PARK7: variants seen among roughly 807,000 people sequenced by gnomAD.
The protein encoded by PARK7 is Parkinsonism associated deglycase, also known as Parkinson disease protein 7.
A neutral mutation model predicts 20.5 loss-of-function variants in PARK7; 14 were observed. That is an observed-to-expected ratio of 0.68 (90% CI 0.45 to 1.07). The LOEUF is 1.07. PARK7 is among the 50% of genes least tolerant of loss of function. PARK7 has a pLI of 0.00. For missense variants in PARK7, 234 were observed against 238.1 expected (o/e 0.98, Z 0.11); for synonymous variants, 98 against 84.3 (o/e 1.16, Z -0.89).
In PARK7 at chr1:7,985,288, T is replaced by C; in HGVS notation, c.*234T>C. 1.8e-6 allele frequency: 1 copy of C among 541,004 alleles called. No homozygotes were observed. The highest frequency in any genetic ancestry group is 3.3e-6 in the Non-Finnish European group (1 of 303,812). The allele number at this position is 541,004 out of a possible 1,614,324, so 33.5% of individuals were successfully genotyped here. A position where few individuals can be genotyped will look rare whatever the true frequency, so the allele number is the denominator to read the frequency against. On this transcript the variant is annotated 3_prime_UTR_variant, in exon 7 of 7. Transcript: ENST00000338639. ...ACAGGGCATTTAGCAAACTACTGAT[T>C]GTTTCTTGTTTTGTCTCTCATTTCT...
At position 7,970,955 on chromosome 1, in the gene PARK7, T is replaced by A. The variant is rs1640452831; in HGVS notation, c.314T>A (p.Ile105Asn). Reference protein sequence around the residue: ...QENRKGLIAAICAGPTALLAH... With the variant: ...QENRKGLIAANCAGPTALLAH... ...AACCGGAAGGGCCTGATAGCCGCCA[T>A]CTGTGCAGGTGACGTGCAGGGGCAG... The change falls in exon 5 of 7, where the codon ATC (isoleucine) becomes AAC (asparagine). Residue 105 changes from isoleucine to asparagine, a missense_variant. Coordinates refer to ENST00000338639, the MANE Select transcript of PARK7 (RefSeq NM_007262.5). 16 of 1,614,194 alleles carry A rather than the reference T, an allele frequency of 9.9e-6. No homozygotes were observed. Among genetic ancestry groups the A allele is most frequent in the Non-Finnish European group, 1.4e-5 (16 of 1,180,036 alleles).
chr1:7,962,068 G>C (rs796646352), intron 1 of PARK7: 7 of 152,504 alleles, frequency 4.6e-5, no homozygotes, highest in African/African-American at 1.7e-4. Context: ...ATTAAACTCT[G>C]TTTTGCGTGG....
intron 3 of PARK7, among the ~76,000 whole-genome samples, chr1:7,968,852 A>G (rs1203962492): frequency 6.6e-6 from 1 of 152,196 alleles, no homozygotes; most frequent in African/African-American, 2.4e-5. Flanking sequence ...GTTCATGTAC[A>G]TTCTTGTTGA....
chr1:7,969,359 G>T lies in PARK7; in HGVS notation c.207G>T (p.Val69=). ...EDAKKEGPYD[V]VVLPGGNLGA... ...AACTGTTACAGGGACCATATGATGT[G>T]GTGGTTCTACCAGGAGGTAATCTGG... The change falls in exon 4 of 7, where the codon GTG becomes GTT. Residue 69 remains valine (V), a synonymous_variant. Coordinates refer to ENST00000338639, the MANE Select transcript of PARK7 (RefSeq NM_007262.5). The T allele has an allele frequency of 6.2e-7, 1 of 1,611,490 alleles. No homozygotes were observed. The highest frequency in any genetic ancestry group is 2.2e-5 in the East Asian group (1 of 44,814).
rs1037753493 is a variant in PARK7, at chr1:7,984,054, C to G, written c.410-840C>G. On this transcript the variant is annotated intron_variant, in intron 6 of 6. Coordinates refer to ENST00000338639, the MANE Select transcript of PARK7 (RefSeq NM_007262.5). The surrounding 1 kb of genome is among the most constrained non-coding windows in gnomAD (Gnocchi z 4.3). ...GGAGGTGGGGGTGGTCACAGATACCCTCTCTGAGGGGTTTTTGTTGATGCT... is the reference window on the plus strand; with the variant it reads ...GGAGGTGGGGGTGGTCACAGATACCGTCTCTGAGGGGTTTTTGTTGATGCT... Among the ~76,000 whole-genome samples the G allele has an allele frequency of 6.6e-6, 1 of 152,142 alleles. No individual in the cohort carries two copies. Among genetic ancestry groups the G allele is most frequent in the Non-Finnish European group, 1.5e-5 (1 of 68,030 alleles).
intron 3 of PARK7, among the ~76,000 whole-genome samples, chr1:7,968,325 A>AT (rs1384422114): frequency 2.0e-5 from 3 of 148,152 alleles, no homozygotes; most frequent in Non-Finnish European, 4.4e-5. Context: ...AAAAGAAAAG[A>AT]AAAATAAATA....
At chr1:7,970,591 ACAC>A (rs1201887612) in intron 4 of PARK7, among the ~76,000 whole-genome samples, 1 of 152,168 alleles carries the variant, frequency 6.6e-6, no homozygotes, top group Non-Finnish European at 1.5e-5. Context: ...AACACCCAAA[ACAC>A]CACATTCCCT....
chr1:7,982,407 A>G (rs1038983625), intron 6 of PARK7, among the ~76,000 whole-genome samples: 1 of 152,174 alleles, frequency 6.6e-6, no homozygotes, highest in Admixed American at 6.5e-5. Flanking sequence ...AATTCGCTAT[A>G]GGGTCACAAT....
rs1464039950 is a variant in PARK7 at position 7,984,274 on chromosome 1, AG to A, written c.410-616del. ...AGAGGCTGGTGACTACCTGCTGTGG[AG>A]GGGCAGAGCTCAGGGCATCCATGCT... On this transcript the variant is annotated intron_variant, in intron 6 of 6. Coordinates refer to ENST00000338639, the MANE Select transcript of PARK7 (RefSeq NM_007262.5). This position sits in a 1 kb window ranked among gnomAD's most constrained non-coding sequence, Gnocchi z 4.3. 6.6e-6 allele frequency among the ~76,000 whole-genome samples: 1 copy of A among 152,032 alleles called. No homozygotes were observed. Among genetic ancestry groups the A allele is most frequent in the Admixed American group, 6.6e-5 (1 of 15,252 alleles).
chr1:7,964,577 A>G (rs1339251109), intron 2 of PARK7, among the ~76,000 whole-genome samples: 1 of 152,142 alleles, frequency 6.6e-6, no homozygotes, highest in Non-Finnish European at 1.5e-5. Flanking sequence ...AATGTGAGGA[A>G]ATTTTTCCAG....
At chr1:7,973,157 G>A (rs1557446701) in intron 5 of PARK7, among the ~76,000 whole-genome samples, 1 of 152,190 alleles carries the variant, frequency 6.6e-6, no homozygotes, top group South Asian at 2.1e-4. Context: ...TTAGGGGCTG[G>A]GAAGAACCAC....
intron 6 of PARK7, among the ~76,000 whole-genome samples, chr1:7,979,379 A>C (rs1640663641): frequency 6.6e-6 from 1 of 152,120 alleles, no homozygotes; most frequent in African/African-American, 2.4e-5. Flanking sequence ...ATCTGTACCC[A>C]CATTGACACA....
intron 2 of PARK7, among the ~76,000 whole-genome samples, chr1:7,963,607 T>G (rs1331945453): frequency 2.6e-5 from 4 of 151,828 alleles, no homozygotes; most frequent in Admixed American, 2.6e-4. Context: ...ACTCCTGGCT[T>G]CAAGTGACCC....
chr1:7,977,940 A>G (rs1210357900), intron 6 of PARK7, among the ~76,000 whole-genome samples: 1 of 119,762 alleles, frequency 8.3e-6, no homozygotes, highest in Admixed American at 9.4e-5. Flanking sequence ...TTGTATTTTT[A>G]GTAGAGATGG....
intron 2 of PARK7, among the ~76,000 whole-genome samples, chr1:7,964,284 C>T (rs1460361530): frequency 1.3e-5 from 2 of 152,130 alleles, no homozygotes; most frequent in Non-Finnish European, 2.9e-5. Flanking sequence ...TTAGATATCA[C>T]CATCCTCATT....
intron 3 of PARK7, among the ~76,000 whole-genome samples, chr1:7,968,895 G>A (rs1640389980): frequency 6.6e-6 from 1 of 152,154 alleles, no homozygotes; most frequent in African/African-American, 2.4e-5. Context: ...CACATATAAA[G>A]TCAAAATGTT....
At chr1:7,980,871 T>C (rs1640695316) in intron 6 of PARK7, among the ~76,000 whole-genome samples, 1 of 152,012 alleles carries the variant, frequency 6.6e-6, no homozygotes, top group Non-Finnish European at 1.5e-5. Context: ...TTTTTCTTTT[T>C]TTCTTATCTT....
At chr1:7,962,615 C>T in intron 1 of PARK7, 148 bp from the exon 2 acceptor site, 1 of 603,680 alleles carries the variant, frequency 1.7e-6, no homozygotes, top group Non-Finnish European at 2.9e-6. Context: ...AACTAAACTG[C>T]TGCTTTTTTC....
Position 7,965,313 on chromosome 1 carries a change from C to T in PARK7, c.91-11C>T, listed in dbSNP as rs1306465390. 6.2e-7 allele frequency: 1 copy of T among 1,608,808 alleles called. No individual in the cohort carries two copies. Among genetic ancestry groups the T allele is most frequent in the Non-Finnish European group, 8.5e-7 (1 of 1,175,392 alleles). On this transcript the variant is annotated splice_polypyrimidine_tract_variant and intron_variant, in intron 2 of 6. Transcript: ENST00000338639. ...TCAGTGTTCTTAAATATGATAACAT[C>T]TTTCTCGTAGATTAAGGTCACCGTT...
Sources: gnomAD v4.1 joint callset for allele counts (sites outside exome capture counted in the v4.1 genomes callset) on GRCh38, gnomAD v4.1.1 for gene constraint, Gnocchi (gnomAD v3.1) non-coding constraint, MANE v1.5 for transcripts, NCBI Gene and HGNC (gene_info 2026-07-23, HGNC 2026-07-21) for gene names.